OLFM2: variants seen among roughly 807,000 people sequenced by gnomAD.
OLFM2 encodes the protein noelin-2.
A neutral mutation model predicts 43.9 loss-of-function variants in OLFM2; 20 were observed. The ratio of observed to expected loss-of-function variants is 0.46; its 90% CI spans 0.32 to 0.66. The LOEUF (loss-of-function observed/expected upper bound fraction) is 0.66, where lower values mean the gene tolerates loss of function less well. Among genes scored for constraint, OLFM2 ranks in the 30% least tolerant of loss-of-function variants. The pLI, the probability that OLFM2 is intolerant of heterozygous loss-of-function variation, is 0.04. For synonymous variants in OLFM2, 268 were observed against 278.6 expected (o/e 0.96, Z 0.38); for missense variants, 416 against 643.6 (o/e 0.65, Z 3.83).
intron 1 of OLFM2, among the ~76,000 whole-genome samples, chr19:9,911,633 C>T (rs1360261019): frequency 6.6e-6 from 1 of 152,150 alleles, no homozygotes. Flanking sequence ...CACATATGCA[C>T]ACAAAGATAC....
rs2046295452 is a variant in OLFM2, at chr19:9,854,313, T to C, written c.1238A>G (p.Gln413Arg). ...YEYTDVPFHNQYSHISMLDYN... is the reference protein window; with the variant it reads ...YEYTDVPFHNRYSHISMLDYN... ...ATCCAGCATCGAGATGTGGGAATAC[T>C]GGTTGTGGAAGGGCACGTCCGTGTA... The change falls in exon 6 of 6, where the codon CAG (glutamine) becomes CGG (arginine). Residue 413 changes from glutamine (Q) to arginine (R), a missense_variant. Coordinates refer to ENST00000264833, the MANE Select transcript of OLFM2 (RefSeq NM_058164.4). The surrounding 1 kb of genome is among the most constrained non-coding windows in gnomAD (Gnocchi z 9.5). 2.0e-5 allele frequency: 33 copies of C among 1,614,108 alleles called. No individual in the cohort carries two copies. The highest frequency in any genetic ancestry group is 2.8e-5 in the Non-Finnish European group (33 of 1,180,016).
intron 1 of OLFM2, among the ~76,000 whole-genome samples, chr19:9,902,761 G>A (rs1356235210): frequency 6.6e-6 from 1 of 152,084 alleles, no homozygotes; most frequent in Non-Finnish European, 1.5e-5. Context: ...AGGCTGGAGT[G>A]CTGGTGCGAT....
chr19:9,925,255 T>TAAACA (rs2086445867), intron 1 of OLFM2, among the ~76,000 whole-genome samples: 2 of 152,024 alleles, frequency 1.3e-5, no homozygotes, highest in Non-Finnish European at 2.9e-5. Context: ...AGACCCTGTC[T>TAAACA]AAACAAAACA....
At chr19:9,921,257 C>T (rs2086418101) in intron 1 of OLFM2, among the ~76,000 whole-genome samples, 2 of 152,042 alleles carry the variant, frequency 1.3e-5, no homozygotes, top group South Asian at 4.1e-4. Context: ...GCTGGGACTA[C>T]AGTCACATGC....
At chr19:9,913,498 G>A in intron 1 of OLFM2, 1 of 1,133,302 alleles carries the variant, frequency 8.8e-7, no homozygotes, top group East Asian at 4.5e-5. Context: ...TCTCAGAGGC[G>A]CCCGCACGGG....
Position 9,854,444 on chromosome 19 carries a change from G to A in OLFM2, c.1107C>T (p.Ser369=), listed in dbSNP as rs924329683. 32 of 1,614,158 alleles carry A rather than the reference G, an allele frequency of 2.0e-5. No homozygotes were observed. The highest frequency in any genetic ancestry group is 1.0e-4 in the Admixed American group (6 of 60,022). The change falls in exon 6 of 6, where the codon AGC becomes AGT. Residue 369 remains serine (S), a synonymous_variant. Coordinates refer to ENST00000264833, the MANE Select transcript of OLFM2 (RefSeq NM_058164.4). This position sits in a 1 kb window ranked among gnomAD's most constrained non-coding sequence, Gnocchi z 9.5. The part of the protein sequence containing the change: ...RSWDTGYPKR[S]AGEAFMICGV... Reference sequence around the variant, plus strand: ...CGCAGATCATGAAGGCCTCGCCAGCGCTGCGCTTGGGGTAGCCGGTGTCCC... The same window carrying A: ...CGCAGATCATGAAGGCCTCGCCAGCACTGCGCTTGGGGTAGCCGGTGTCCC...
At chr19:9,878,333 T>C (rs1441432673) in intron 1 of OLFM2, among the ~76,000 whole-genome samples, 2 of 151,648 alleles carry the variant, frequency 1.3e-5, no homozygotes, top group Non-Finnish European at 2.9e-5. Flanking sequence ...CTTGGCTCTG[T>C]GTTACCCTGG....
At chr19:9,858,640 C>T (rs1215035081) in intron 2 of OLFM2, among the ~76,000 whole-genome samples, 1 of 152,186 alleles carries the variant, frequency 6.6e-6, no homozygotes, top group East Asian at 1.9e-4. Flanking sequence ...ATAAACTTCC[C>T]TTGCCCTGGC....
In OLFM2 at chr19:9,863,417, G is replaced by A. The variant is rs576362939; in HGVS notation, c.64-2623C>T. Among the ~76,000 whole-genome samples, 14 of 152,124 alleles carry A rather than the reference G, an allele frequency of 9.2e-5. No individual in the cohort carries two copies. In the South Asian group the frequency reaches 2.9e-3, roughly 32 times the overall value. On this transcript the variant is annotated intron_variant, in intron 1 of 5. Transcript: ENST00000264833. ...GTGACCTCTGGCTGCTCTAGGGAACGAGGGAGGGAGGCCAGGGCAGGGGTG... is the reference window on the plus strand; with the variant it reads ...GTGACCTCTGGCTGCTCTAGGGAACAAGGGAGGGAGGCCAGGGCAGGGGTG...
In OLFM2 at chr19:9,907,609, G is replaced by C. The variant is rs142021510; in HGVS notation, c.63+28695C>G. The stretch of plus-strand genomic sequence containing the variant: ...TCCAAGAATTCTAGTCTGTTTCCCA[G>C]GGTCCCCGTCAGGGTCCTATGGTGA... On this transcript the variant is annotated intron_variant, in intron 1 of 5. Coordinates refer to ENST00000264833, the MANE Select transcript of OLFM2 (RefSeq NM_058164.4). Among the ~76,000 whole-genome samples the C allele has an allele frequency of 1.6e-4, 25 of 152,272 alleles. No individual in the cohort carries two copies. The East Asian group carries it at 4.8e-3, about 29-fold the overall frequency.
chr19:9,906,670 G>A (rs190293730), intron 1 of OLFM2, among the ~76,000 whole-genome samples: 2 of 152,218 alleles, frequency 1.3e-5, no homozygotes, highest in African/African-American at 2.4e-5. Context: ...AGAGAGAGAC[G>A]CAGGCAGAGA....
At chr19:9,895,075 C>T (rs1253363741) in intron 1 of OLFM2, among the ~76,000 whole-genome samples, 1 of 152,100 alleles carries the variant, frequency 6.6e-6, no homozygotes, top group African/African-American at 2.4e-5. Context: ...GGGCATTATC[C>T]TCACCCTCAT....
Position 9,854,845 on chromosome 19 carries a change from A to T in OLFM2, c.706T>A (p.Tyr236Asn). 6.3e-7 allele frequency: 1 copy of T among 1,596,486 alleles called. No homozygotes were observed. Among genetic ancestry groups the T allele is most frequent in the Non-Finnish European group, 8.6e-7 (1 of 1,169,508 alleles). Reference protein sequence around the residue: ...ADSRVWYMDGYYKGRRVLEFR... With the variant: ...ADSRVWYMDGNYKGRRVLEFR... ...TCCAGGACCCGGCGGCCTTTGTAAT[A>T]GCCATCCATGTACCAGACCTATGGT... The change falls in exon 6 of 6, where the codon TAT becomes AAT. Residue 236 changes from tyrosine (Y) to asparagine (N), a missense_variant. Tyr to Asn is a moderately radical substitution (Grantham distance 143). Transcript: ENST00000264833. This position sits in a 1 kb window ranked among gnomAD's most constrained non-coding sequence, Gnocchi z 9.5.
At chr19:9,887,937 G>A (rs1360662176) in intron 1 of OLFM2, among the ~76,000 whole-genome samples, 1 of 152,140 alleles carries the variant, frequency 6.6e-6, no homozygotes. Context: ...GGAGGCTGAA[G>A]TGGGAGGATC....
At chr19:9,936,121 C>T (rs1014554545) in intron 1 of OLFM2, among the ~76,000 whole-genome samples, 183 bp downstream of exon 1, 1 of 151,798 alleles carries the variant, frequency 6.6e-6, no homozygotes, top group Non-Finnish European at 1.5e-5. Context: ...TGAAGCCCCC[C>T]TCGTCCTCTC....
chr19:9,883,542 G>T (rs1252194425), intron 1 of OLFM2, among the ~76,000 whole-genome samples: 1 of 152,108 alleles, frequency 6.6e-6, no homozygotes, highest in African/African-American at 2.4e-5. Context: ...CCGGAGAGAG[G>T]CCCGTGGCCC....
At chr19:9,855,603 G>A (rs193179342) in intron 5 of OLFM2, among the ~76,000 whole-genome samples, 189 of 151,494 alleles carry the variant, frequency 1.2e-3, no homozygotes, top group Non-Finnish European at 4.6e-4. Context: ...GCACAATCAC[G>A]GCTCACTGCA....
chr19:9,923,587 A>T (rs2086433598), intron 1 of OLFM2, among the ~76,000 whole-genome samples: 1 of 150,896 alleles, frequency 6.6e-6, no homozygotes, highest in South Asian at 2.1e-4. Context: ...AAAGAAAGAA[A>T]GAAAGAAGGA....
At chr19:9,926,476 T>C (rs1053020309) in intron 1 of OLFM2, among the ~76,000 whole-genome samples, 1 of 150,932 alleles carries the variant, frequency 6.6e-6, no homozygotes, top group Non-Finnish European at 1.5e-5. Context: ...CGCTTGAATC[T>C]GGGAGGCGGA....
Sources: gnomAD v4.1 joint callset for allele counts (sites outside exome capture counted in the v4.1 genomes callset) on GRCh38, gnomAD v4.1.1 for gene constraint, Gnocchi (gnomAD v3.1) non-coding constraint, MANE v1.5 for transcripts, NCBI Gene and HGNC (gene_info 2026-07-23, HGNC 2026-07-21) for gene names.